Variants in BOC observed in about 807,000 individuals in gnomAD.
BOC encodes the protein brother of CDO.
A neutral mutation model predicts 112.0 loss-of-function variants in BOC; 76 were observed. The observed-to-expected ratio is 0.68, with a 90% confidence interval of 0.56 to 0.82. BOC has a LOEUF of 0.82. Ranked by LOEUF, BOC falls within the 40% of genes least tolerant of loss-of-function variation. BOC has a pLI of 0.00. For missense variants in BOC, 1,309 were observed against 1,511.7 expected (o/e 0.87, Z 2.22); for synonymous variants, 580 against 599.8 (o/e 0.97, Z 0.48).
intron 3 of BOC, 120 bp downstream of exon 3, chr3:113,250,019 G>T: frequency 1.2e-6 from 1 of 800,224 alleles, no homozygotes; most frequent in South Asian, 1.6e-5. Flanking sequence ...TATTCCCATT[G>T]GCCTTCAGGG....
chr3:113,226,213 CA>C (rs1941636965), intron 2 of BOC, among the ~76,000 whole-genome samples: 1 of 152,166 alleles, frequency 6.6e-6, no homozygotes, highest in Non-Finnish European at 1.5e-5. Context: ...TCACCTTTAT[CA>C]AAAGGAGTGG....
intron 4 of BOC, among the ~76,000 whole-genome samples, chr3:113,264,846 C>T (rs1372531068): frequency 1.3e-5 from 2 of 152,162 alleles, no homozygotes; most frequent in African/African-American, 4.8e-5. Flanking sequence ...GTAGGAGGGA[C>T]AGGGCCAAGG....
intron 9 of BOC, among the ~76,000 whole-genome samples, chr3:113,275,769 G>A (rs1193171568): frequency 1.3e-5 from 2 of 152,218 alleles, no homozygotes; most frequent in Admixed American, 6.5e-5. Flanking sequence ...AGCGCTAGCT[G>A]TGCGGAAGCT....
intron 2 of BOC, among the ~76,000 whole-genome samples, chr3:113,234,436 G>T (rs1487823300): frequency 6.6e-6 from 1 of 152,188 alleles, no homozygotes; most frequent in African/African-American, 2.4e-5. Context: ...TGATGCCTTT[G>T]TTAGTGTTTC....
chr3:113,255,549 A>G (rs1410552183), intron 4 of BOC, among the ~76,000 whole-genome samples: 1 of 152,242 alleles, frequency 6.6e-6, no homozygotes, highest in Admixed American at 6.5e-5. Context: ...GCTGGAAATA[A>G]AACAGGTGGT....
chr3:113,279,154 C>A, intron 11 of BOC, 95 bp from the exon 12 acceptor site: 1 of 1,307,554 alleles, frequency 7.6e-7, no homozygotes, highest in Non-Finnish European at 1.1e-6. Context: ...CAGGAGCAGG[C>A]CAGGCCCAGT....
chr3:113,280,775 C>T (rs578197807), intron 14 of BOC, 112 bp downstream of exon 14: 12 of 951,862 alleles, frequency 1.3e-5, no homozygotes, highest in Admixed American at 1.9e-5. Flanking sequence ...TCTGGTGTGA[C>T]ACGAAGCTCT....
chr3:113,247,072 A>C (rs1559835359), intron 2 of BOC, among the ~76,000 whole-genome samples: 1 of 152,146 alleles, frequency 6.6e-6, no homozygotes, highest in East Asian at 1.9e-4. Context: ...GTGTTCAGAT[A>C]AGAAACAACC....
rs1372792256 is a variant in BOC at position 113,278,751 on chromosome 3, G to A, written c.1784G>A (p.Ser595Asn). 6 of 1,562,240 alleles carry A rather than the reference G, an allele frequency of 3.8e-6. No individual in the cohort carries two copies. The South Asian group carries it at 5.9e-5, about 15-fold the overall frequency. Residue 595 changes from serine to asparagine, a missense_variant, in exon 11 of 20, where the codon AGC (serine) becomes AAC (asparagine). Physicochemically the swap from Ser to Asn is conservative, Grantham distance 46. Coordinates refer to ENST00000682979, the MANE Select transcript of BOC (RefSeq NM_001378074.1). This position sits in a 1 kb window ranked among gnomAD's most constrained non-coding sequence, Gnocchi z 4.2. Reference protein sequence around the residue: ...QRDDPGASPQSSSQPDHGRLS... With the variant: ...QRDDPGASPQNSSQPDHGRLS... ...GACGACCCTGGAGCCAGTCCCCAGA[G>A]CAGCAGCCAGCCAGACCACGGCCGC...
intron 4 of BOC, among the ~76,000 whole-genome samples, chr3:113,254,475 C>T (rs1245889245): frequency 6.6e-6 from 1 of 152,128 alleles, no homozygotes; most frequent in Non-Finnish European, 1.5e-5. Context: ...GGCCCAGACG[C>T]AGCAGTAGAT....
intron 13 of BOC, 22 bp from the exon 14 acceptor site, chr3:113,280,536 G>A: frequency 1.3e-6 from 2 of 1,535,102 alleles, no homozygotes; most frequent in Non-Finnish European, 1.8e-6. Flanking sequence ...TTGTCAACTT[G>A]TTTCTTCTCC....
At chr3:113,277,856 G>A (rs745945144) in intron 9 of BOC, among the ~76,000 whole-genome samples, 2 of 152,198 alleles carry the variant, frequency 1.3e-5, no homozygotes, top group Non-Finnish European at 2.9e-5. Flanking sequence ...CCCCACTGAG[G>A]TTTCTTTGAT....
At chr3:113,270,185 C>T (rs1296279939) in intron 5 of BOC, 3 of 152,204 alleles carry the variant, frequency 2.0e-5, no homozygotes, top group African/African-American at 4.8e-5. Flanking sequence ...GAGGCGATTC[C>T]GAGTGATGGC....
Position 113,272,395 on chromosome 3 carries a change from T to A in BOC, c.668-15T>A. 6.2e-7 allele frequency: 1 copy of A among 1,611,010 alleles called. No individual in the cohort carries two copies. On this transcript the variant is annotated splice_polypyrimidine_tract_variant and intron_variant, in intron 6 of 19. Coordinates refer to ENST00000682979, the MANE Select transcript of BOC (RefSeq NM_001378074.1). Reference sequence around the variant, plus strand: ...GTCCACACGCCTTCTGTCCTTGCCCTCCTTGCCCCTCCAGGCTCCACCGCT... The same window carrying A: ...GTCCACACGCCTTCTGTCCTTGCCCACCTTGCCCCTCCAGGCTCCACCGCT...
At chr3:113,277,978 T>C in intron 9 of BOC, 117 bp from the exon 10 acceptor site, 1 of 1,357,208 alleles carries the variant, frequency 7.4e-7, no homozygotes, top group Non-Finnish European at 1.0e-6. Context: ...CCAACCTGGC[T>C]TATCGTCCTT....
At chr3:113,261,408 T>C (rs148704710) in intron 4 of BOC, among the ~76,000 whole-genome samples, 2 of 152,150 alleles carry the variant, frequency 1.3e-5, no homozygotes, top group Non-Finnish European at 2.9e-5. Flanking sequence ...TTCAGTATAT[T>C]TTTTTTCTAA....
intron 13 of BOC, among the ~76,000 whole-genome samples, chr3:113,280,309 A>G (rs1433006414): frequency 6.6e-6 from 1 of 152,166 alleles, no homozygotes; most frequent in Non-Finnish European, 1.5e-5. Flanking sequence ...GAAGCAATTG[A>G]AGTCTTTGGA....
chr3:113,213,297 G>T (rs1938619719), intron 1 of BOC, among the ~76,000 whole-genome samples: 1 of 152,224 alleles, frequency 6.6e-6, no homozygotes, highest in African/African-American at 2.4e-5. Context: ...GCCACCTGCA[G>T]ATGCACTGTG....
intron 2 of BOC, among the ~76,000 whole-genome samples, chr3:113,227,653 T>C (rs1164707886): frequency 6.6e-6 from 1 of 151,988 alleles, no homozygotes; most frequent in African/African-American, 2.4e-5. Flanking sequence ...GGTGGTTGGG[T>C]GAGTGGGGGT....
Sources: allele counts gnomAD v4.1 joint callset (sites outside exome capture counted in the v4.1 genomes callset), GRCh38; gene constraint gnomAD v4.1.1; non-coding constraint Gnocchi (gnomAD v3.1); transcripts MANE v1.5; gene names NCBI Gene and HGNC (gene_info 2026-07-23, HGNC 2026-07-21).